Variants in NBEA observed in about 807,000 individuals in gnomAD.
NBEA encodes lysosomal-trafficking regulator 2.
In NBEA, 44 loss-of-function variants were observed where a neutral mutation model predicts 343.4. The ratio of observed to expected loss-of-function variants is 0.13; its 90% CI spans 0.10 to 0.16. The LOEUF is 0.16. Ranked by LOEUF, NBEA falls within the 10% of genes least tolerant of loss-of-function variation. The pLI, the probability that NBEA is intolerant of heterozygous loss-of-function variation, is 1.00. For synonymous variants in NBEA, 1,175 were observed against 1,238.7 expected (o/e 0.95, Z 1.08); for missense variants, 2,555 against 3,631.3 (o/e 0.70, Z 7.62).
rs532872885 is a variant in NBEA, at chr13:35,248,414, A to G, written c.5776+15795A>G. ...GAAAAAAAGCCCTCTTAAAATTCAT[A>G]TGGAATCTCAAGAGACCCAGAATAA... On this transcript the variant is annotated intron_variant, in intron 34 of 58. Coordinates refer to ENST00000379939, the MANE Select transcript of NBEA (RefSeq NM_001385012.1). 4.6e-5 allele frequency among the ~76,000 whole-genome samples: 7 copies of G among 152,292 alleles called. No individual in the cohort carries two copies. The South Asian group carries it at 1.4e-3, about 32-fold the overall frequency.
chr13:35,438,277 T>A (rs368689063), intron 39 of NBEA, among the ~76,000 whole-genome samples: 21 of 152,352 alleles, frequency 1.4e-4, no homozygotes, highest in African/African-American at 5.0e-4. Context: ...CATCAAGTTA[T>A]GACCTTGATG....
chr13:35,016,485 C>G (rs1221899887), intron 1 of NBEA, among the ~76,000 whole-genome samples: 1 of 151,994 alleles, frequency 6.6e-6, no homozygotes, highest in Non-Finnish European at 1.5e-5. Flanking sequence ...TCTTGCATGA[C>G]AGTTGCAAAC....
intron 27 of NBEA, among the ~76,000 whole-genome samples, chr13:35,176,097 G>A (rs540805434): frequency 1.3e-5 from 2 of 152,118 alleles, no homozygotes; most frequent in South Asian, 2.1e-4. Context: ...ACTTCTCACC[G>A]ATGGTCATAT....
At chr13:35,651,722 A>G (rs558287048) in intron 52 of NBEA, 83 bp from the exon 53 acceptor site, 2 of 808,828 alleles carry the variant, frequency 2.5e-6, no homozygotes, top group South Asian at 3.1e-5. Context: ...ATTTTGTAAA[A>G]TCATCATAAA....
intron 12 of NBEA, among the ~76,000 whole-genome samples, chr13:35,110,516 T>A (rs2066148181): frequency 6.6e-6 from 1 of 152,176 alleles, no homozygotes; most frequent in Non-Finnish European, 1.5e-5. Context: ...TTTTAAAATA[T>A]TTTAATCTTT....
chr13:35,217,288 T>C (rs577675497), intron 33 of NBEA, among the ~76,000 whole-genome samples: 14 of 152,094 alleles, frequency 9.2e-5, no homozygotes, highest in African/African-American at 3.1e-4. Flanking sequence ...TTTTAGAAAT[T>C]TAGTTTGCAA....
intron 1 of NBEA, among the ~76,000 whole-genome samples, chr13:35,016,437 C>G (rs1458598624): frequency 6.6e-6 from 1 of 152,090 alleles, no homozygotes. Context: ...GGACATTTGA[C>G]AACTCATTTG....
At chr13:35,177,323 T>C (rs1356710523) in intron 28 of NBEA, among the ~76,000 whole-genome samples, 1 of 151,862 alleles carries the variant, frequency 6.6e-6, no homozygotes, top group Non-Finnish European at 1.5e-5. Flanking sequence ...TTGATGTAAG[T>C]TGCTTGCATA....
chr13:35,045,103 T>G, intron 3 of NBEA, 56 bp downstream of exon 3: 1 of 1,467,304 alleles, frequency 6.8e-7, no homozygotes. Context: ...TACTTAATGT[T>G]CAAAAGTTTG....
At chr13:34,975,796 A>G (rs2060153318) in intron 1 of NBEA, among the ~76,000 whole-genome samples, 1 of 152,210 alleles carries the variant, frequency 6.6e-6, no homozygotes, top group Non-Finnish European at 1.5e-5. Context: ...AAGAAGATAT[A>G]CAGATGGTCA....
chr13:35,049,172 G>A (rs966172946), intron 5 of NBEA, among the ~76,000 whole-genome samples: 2 of 151,874 alleles, frequency 1.3e-5, no homozygotes, highest in African/African-American at 4.8e-5. Flanking sequence ...ACCTAACAAT[G>A]TGTTGATCTG....
At chr13:35,101,741 A>G (rs2152644644) in intron 11 of NBEA, among the ~76,000 whole-genome samples, 1 of 151,842 alleles carries the variant, frequency 6.6e-6, no homozygotes, top group Admixed American at 6.6e-5. Flanking sequence ...ATACCTCTTT[A>G]GAGTGCCAAT....
chr13:35,138,624 TA>T (rs1290006118), intron 17 of NBEA, among the ~76,000 whole-genome samples: 1 of 152,044 alleles, frequency 6.6e-6, no homozygotes, highest in Non-Finnish European at 1.5e-5. Context: ...CATGCCCGGC[TA>T]ATTTTTGTGT....
intron 17 of NBEA, among the ~76,000 whole-genome samples, chr13:35,140,715 C>T (rs899060441): frequency 6.6e-6 from 1 of 151,946 alleles, no homozygotes; most frequent in Non-Finnish European, 1.5e-5. Flanking sequence ...TTAGAAGAGA[C>T]CTTTTGCAGA....
intron 55 of NBEA, among the ~76,000 whole-genome samples, chr13:35,657,639 A>G (rs1452554602): frequency 6.6e-6 from 1 of 152,220 alleles, no homozygotes; most frequent in African/African-American, 2.4e-5. Context: ...ATATGTTCAC[A>G]TATTTCCAAA....
At chr13:35,615,641 G>T (rs749198872) in intron 48 of NBEA, among the ~76,000 whole-genome samples, 2 of 152,068 alleles carry the variant, frequency 1.3e-5, no homozygotes, top group African/African-American at 2.4e-5. Flanking sequence ...CACCATGCTC[G>T]GCCCCATTGA....
Position 35,465,530 on chromosome 13 carries a change from C to T in NBEA, c.6449-6870C>T, listed in dbSNP as rs1013030432. ...TAGTCTAGTAGAAATTTACTCTTCCCGATCATTAAATGATATCCCAGTGCC... is the reference window on the plus strand; with the variant it reads ...TAGTCTAGTAGAAATTTACTCTTCCTGATCATTAAATGATATCCCAGTGCC... On this transcript the variant is annotated intron_variant, in intron 40 of 58. Transcript: ENST00000379939. Among the ~76,000 whole-genome samples, 7 of 152,096 alleles carry T rather than the reference C, an allele frequency of 4.6e-5. 1 individual carries two copies. The highest frequency in any genetic ancestry group is 3.3e-4 in the Admixed American group (5 of 15,268).
chr13:35,476,263 A>C, intron 41 of NBEA: 1 of 1,496,916 alleles, frequency 6.7e-7, no homozygotes, highest in Non-Finnish European at 9.2e-7. Flanking sequence ...ATGGATCAAA[A>C]ATGCCTTTCG....
intron 38 of NBEA, among the ~76,000 whole-genome samples, chr13:35,412,433 C>A (rs1462845077): frequency 6.6e-6 from 1 of 152,068 alleles, no homozygotes; most frequent in African/African-American, 2.4e-5. Flanking sequence ...CAAGTGGGTT[C>A]CCCCATTTTC....
Sources: gnomAD v4.1 joint callset for allele counts (sites outside exome capture counted in the v4.1 genomes callset) on GRCh38, gnomAD v4.1.1 for gene constraint, MANE v1.5 for transcripts, NCBI Gene and HGNC (gene_info 2026-07-23, HGNC 2026-07-21) for gene names.